The following LONRF2 variants were observed in gnomAD, a reference collection of about 807,000 sequenced individuals.
LONRF2 encodes the protein LON peptidase N-terminal domain and ring finger 2.
Under a neutral mutation model 66.6 loss-of-function variants are expected in LONRF2, and 35 were observed. That is an observed-to-expected ratio of 0.53 (90% CI 0.40 to 0.70). LONRF2 has a LOEUF of 0.70. Ranked by LOEUF, LONRF2 falls within the 30% of genes least tolerant of loss-of-function variation. The probability of loss-of-function intolerance (pLI) is 0.00; values close to 1 mark genes in which losing one functional copy is unlikely to be tolerated. For synonymous variants in LONRF2, 417 were observed against 418.1 expected, an observed-to-expected ratio of 1.00 and a Z score of 0.03; for missense variants, 902 against 1,002.1, an observed-to-expected ratio of 0.90 and a Z score of 1.35.
intron 2 of LONRF2, among the ~76,000 whole-genome samples, chr2:100,307,247 G>A (rs539640385): frequency 7.3e-4 from 111 of 152,124 alleles, no homozygotes; most frequent in Non-Finnish European, 1.4e-3. Context: ...CTACGTTTTG[G>A]CTGAAGCTGC....
intron 2 of LONRF2, among the ~76,000 whole-genome samples, chr2:100,303,489 G>A (rs1675227884): frequency 6.6e-6 from 1 of 152,104 alleles, no homozygotes; most frequent in Non-Finnish European, 1.5e-5. Context: ...AATACAATAT[G>A]GATCAGTAAT....
chr2:100,322,058 G>GGGC lies in LONRF2; in HGVS notation c.33_35dup (p.Pro12dup), dbSNP rs747497499. 4.5e-5 allele frequency: 59 copies of GGGC among 1,308,886 alleles called. No individual in the cohort carries two copies. Among genetic ancestry groups the GGGC allele is most frequent in the South Asian group, 8.2e-5 (4 of 48,692 alleles). The allele number at this position is 1,308,886 out of a possible 1,614,324, so 81.1% of individuals were successfully genotyped here. A position where few individuals can be genotyped will look rare whatever the true frequency, so the allele number is the denominator to read the frequency against. ...CCGCGCGGTCGCAGCCAGGACACTG[G>GGGC]GGCGGCGGCGGCGGCGGGACCGGCT... On this transcript the variant is annotated inframe_insertion, in exon 1 of 12. Coordinates refer to ENST00000393437, the MANE Select transcript of LONRF2 (RefSeq NM_198461.4).
At chr2:100,307,200 G>A (rs1389717166) in intron 2 of LONRF2, among the ~76,000 whole-genome samples, 2 of 152,144 alleles carry the variant, frequency 1.3e-5, no homozygotes, top group African/African-American at 2.4e-5. Context: ...GATTACAGGC[G>A]TGAGCCACCG....
At position 100,277,738 on chromosome 2, in the gene LONRF2, GC is replaced by G. The variant is rs1674629767; in HGVS notation, c.*6559del. On this transcript the variant is annotated 3_prime_UTR_variant, in exon 12 of 12. Coordinates refer to ENST00000393437, the MANE Select transcript of LONRF2 (RefSeq NM_198461.4). ...GCCAAAGTTAGGCAGTCGTCTTAAC[GC>G]TGGATGCCCTGGTCAGCACAGCGCC... 6.6e-6 allele frequency: 1 copy of G among 152,170 alleles called. No individual in the cohort carries two copies. Among genetic ancestry groups the G allele is most frequent in the Non-Finnish European group, 1.5e-5 (1 of 68,036 alleles). 9.4% of individuals were successfully genotyped at this position (152,170 alleles called of 1,614,324 possible).
rs867292322 is a variant in LONRF2, at chr2:100,322,111, G to T, written c.-18C>A. The T allele has an allele frequency of 3.2e-6, 4 of 1,243,612 alleles. No homozygotes were observed. Among genetic ancestry groups the T allele is most frequent in the South Asian group, 3.3e-5 (1 of 30,554 alleles). 77.0% of individuals were successfully genotyped at this position (1,243,612 alleles called of 1,614,324 possible). A position where few individuals can be genotyped will look rare whatever the true frequency, so the allele number is the denominator to read the frequency against. ...GGGCTCATCACCGCGGGGCTGCGAC[G>T]ACGCGGGTCCGGAGCGAAGGCGCGG... On this transcript the variant is annotated 5_prime_UTR_variant, in exon 1 of 12. Transcript: ENST00000393437.
chr2:100,288,425 T>G (rs1186237999), intron 10 of LONRF2, among the ~76,000 whole-genome samples: 3 of 152,222 alleles, frequency 2.0e-5, no homozygotes, highest in Non-Finnish European at 4.4e-5. Flanking sequence ...CCAAAGAATT[T>G]AAAAGAGGGA....
chr2:100,312,406 G>C (rs981108088), intron 1 of LONRF2, among the ~76,000 whole-genome samples: 1 of 152,014 alleles, frequency 6.6e-6, no homozygotes, highest in African/African-American at 2.4e-5. Context: ...TTTCTCACCT[G>C]TTAACTAACT....
At chr2:100,312,931 G>A (rs963610652) in intron 1 of LONRF2, among the ~76,000 whole-genome samples, 1 of 152,178 alleles carries the variant, frequency 6.6e-6, no homozygotes, top group Non-Finnish European at 1.5e-5. Context: ...GAAGAAAAAT[G>A]TACATATGTA....
chr2:100,299,949 G>T, intron 4 of LONRF2, 31 bp from the exon 5 acceptor site: 2 of 1,279,894 alleles, frequency 1.6e-6, no homozygotes, highest in Non-Finnish European at 2.1e-6. Context: ...GGAATCCTGA[G>T]TATTAAAGAA....
chr2:100,309,952 T>G (rs1358238969), intron 1 of LONRF2, among the ~76,000 whole-genome samples: 1 of 152,124 alleles, frequency 6.6e-6, no homozygotes. Flanking sequence ...GGATTACAGG[T>G]GTGAGCCACC....
chr2:100,286,947 A>C lies in LONRF2; in HGVS notation c.2037T>G (p.Phe679Leu), dbSNP rs759180307. 1.9e-6 allele frequency: 3 copies of C among 1,614,122 alleles called. No individual in the cohort carries two copies. The Admixed American group carries it at 5.0e-5, about 27-fold the overall frequency. ...DRMKEQILSH[F>L]GVMPDREPEP... ...CAGGTTCTCTGTCTGGCATTACCCC[A>C]AAATGACTTAAAATTTGTTCTTTCA... The change falls in exon 11 of 12, where the codon TTT becomes TTG. Residue 679 changes from phenylalanine (F) to leucine (L), a missense_variant. Transcript: ENST00000393437.
At chr2:100,296,367 T>C (rs1675067273) in intron 7 of LONRF2, among the ~76,000 whole-genome samples, 1 of 152,188 alleles carries the variant, frequency 6.6e-6, no homozygotes, top group African/African-American at 2.4e-5. Flanking sequence ...AATACTATAG[T>C]TGTTCTCTCC....
Position 100,282,858 on chromosome 2 carries a change from C to A in LONRF2, c.*1440G>T. The A allele has an allele frequency of 9.9e-6, 1 of 100,954 alleles. No homozygotes were observed. Among genetic ancestry groups the A allele is most frequent in the East Asian group, 3.3e-4 (1 of 3,006 alleles). 6.3% of individuals were successfully genotyped at this position (100,954 alleles called of 1,614,324 possible). A position where few individuals can be genotyped will look rare whatever the true frequency, so the allele number is the denominator to read the frequency against. ...TTATCTACTGAAACTACTTTATCTA[C>A]TGAAAACTAAAGAAAAATTAATAAT... On this transcript the variant is annotated 3_prime_UTR_variant, in exon 12 of 12. Coordinates refer to ENST00000393437, the MANE Select transcript of LONRF2 (RefSeq NM_198461.4).
In LONRF2 at chr2:100,282,044, A is replaced by G. The variant is rs996950224; in HGVS notation, c.*2254T>C. 1 of 152,198 alleles carries G rather than the reference A, an allele frequency of 6.6e-6. No individual in the cohort carries two copies. The highest frequency in any genetic ancestry group is 2.4e-5 in the African/African-American group (1 of 41,442). The allele number at this position is 152,198 out of a possible 1,614,324, so 9.4% of individuals were successfully genotyped here. ...TGTGGGCGTGTGATGCTGAACAGAG[A>G]GAGCACGATGTGATCATAGTTAATT... On this transcript the variant is annotated 3_prime_UTR_variant, in exon 12 of 12. Transcript: ENST00000393437.
intron 2 of LONRF2, among the ~76,000 whole-genome samples, chr2:100,307,218 C>A (rs2105731157): frequency 6.6e-6 from 1 of 152,312 alleles, no homozygotes; most frequent in Non-Finnish European, 1.5e-5. Context: ...CCGCGCCCGG[C>A]CTAAACTTAC....
chr2:100,299,374 AG>A, intron 5 of LONRF2, 55 bp from the exon 6 acceptor site: 3 of 1,035,338 alleles, frequency 2.9e-6, no homozygotes, highest in Non-Finnish European at 4.2e-6. Flanking sequence ...CCTGAACAAC[AG>A]CATGCAAGAA....
In LONRF2 at chr2:100,299,822, C is replaced by T. The variant is rs1030120809; in HGVS notation, c.1162G>A (p.Glu388Lys). The part of the protein sequence containing the change: ...LHFEEDKKAL[E>K]SILPTAPSAG... ...CTGGGTGCTGTTGGAAGGATGCTTTCTAACGCCTTTTTATCCTCTTCAAAG... is the reference window on the plus strand; with the variant it reads ...CTGGGTGCTGTTGGAAGGATGCTTTTTAACGCCTTTTTATCCTCTTCAAAG... The change falls in exon 5 of 12, where the codon GAA (glutamate) becomes AAA (lysine). Residue 388 changes from glutamate to lysine, a missense_variant. Physicochemically the swap from Glu to Lys is moderately conservative, Grantham distance 56 (BLOSUM62 1). Coordinates refer to ENST00000393437, the MANE Select transcript of LONRF2 (RefSeq NM_198461.4). 3.1e-6 allele frequency: 5 copies of T among 1,613,640 alleles called. No individual in the cohort carries two copies. Among genetic ancestry groups the T allele is most frequent in the Non-Finnish European group, 4.2e-6 (5 of 1,179,782 alleles).
Position 100,300,782 on chromosome 2 carries a change from C to T in LONRF2, c.927G>A (p.Met309Ile). The change falls in exon 4 of 12, where the codon ATG becomes ATA. Residue 309 changes from methionine to isoleucine, a missense_variant. Transcript: ENST00000393437. Reference sequence around the variant, plus strand: ...CTGTAGCTGAAAACAGCACTTCACACATTACCTATAAAATTGCCAAGAAAA... The same window carrying T: ...CTGTAGCTGAAAACAGCACTTCACATATTACCTATAAAATTGCCAAGAAAA... ...NSVKKEAQKV[M>I]CEVLFSATAN... is the part of the protein sequence containing the mutation. 1 of 1,585,318 alleles carries T rather than the reference C, an allele frequency of 6.3e-7. No homozygotes were observed. Among genetic ancestry groups the T allele is most frequent in the East Asian group, 2.2e-5 (1 of 44,534 alleles).
rs2871341 is a variant in LONRF2, at chr2:100,272,035, T to A, written c.*12263A>T. ...ATATAAAAGACTTCATCAGAGGTTT[T>A]CCCAGATTTGACAACCATCCTATTT... is the stretch of plus-strand genomic sequence containing the variant. On this transcript the variant is annotated 3_prime_UTR_variant, in exon 12 of 12. Coordinates refer to ENST00000393437, the MANE Select transcript of LONRF2 (RefSeq NM_198461.4). 0.22 allele frequency among the ~76,000 whole-genome samples: 33,312 copies of A among 152,204 alleles called. 3,992 individuals are homozygous for A. The highest frequency in any genetic ancestry group is 0.32 in the Admixed American group (4,936 of 15,292).
Sources: allele counts gnomAD v4.1 joint callset (sites outside exome capture counted in the v4.1 genomes callset), GRCh38; gene constraint gnomAD v4.1.1; transcripts MANE v1.5; gene names NCBI Gene and HGNC (gene_info 2026-07-23, HGNC 2026-07-21).